PLK4: variants seen among roughly 807,000 people sequenced by gnomAD.
PLK4 encodes the protein serine/threonine-protein kinase PLK4.
Under a neutral mutation model 103.0 loss-of-function variants are expected in PLK4, and 51 were observed. That is an observed-to-expected ratio of 0.50 (90% CI 0.40 to 0.63). PLK4 has a LOEUF of 0.63. Ranked by LOEUF, PLK4 falls within the 20% of genes least tolerant of loss-of-function variation. The probability of loss-of-function intolerance (pLI) is 0.00; values close to 1 mark genes in which losing one functional copy is unlikely to be tolerated. For synonymous variants in PLK4, 389 were observed against 376.8 expected (o/e 1.03, Z -0.38); for missense variants, 1,054 against 1,151.0 (o/e 0.92, Z 1.22).
At chr4:127,883,802 G>T (rs1735020302) in intron 4 of PLK4, among the ~76,000 whole-genome samples, 1 of 152,080 alleles carries the variant, frequency 6.6e-6, no homozygotes, top group Non-Finnish European at 1.5e-5. Flanking sequence ...TTAAATTATT[G>T]GTAGCAGTTT....
Position 127,885,586 on chromosome 4 carries a change from G to A in PLK4, c.338-122G>A, listed in dbSNP as rs1735090924. 6.6e-5 allele frequency: 47 copies of A among 713,108 alleles called. 1 individual carries two copies. Among genetic ancestry groups the A allele is most frequent in the South Asian group, 5.9e-4 (31 of 52,204 alleles). The allele number at this position is 713,108 out of a possible 1,614,324, so 44.2% of individuals were successfully genotyped here. On this transcript the variant is annotated intron_variant, in intron 4 of 15. Coordinates refer to ENST00000270861, the MANE Select transcript of PLK4 (RefSeq NM_014264.5). ...AGTGGCTGGTAAATCTAAGCTCCAA[G>A]CCACTGTTCTACTACAGTGCTCTAG...
chr4:127,887,833 C>T (rs1201246271), intron 6 of PLK4, among the ~76,000 whole-genome samples: 1 of 140,954 alleles, frequency 7.1e-6, no homozygotes, highest in Non-Finnish European at 1.5e-5. Context: ...TATGATCACA[C>T]TGCACTCCAG....
At position 127,898,624 on chromosome 4, in the gene PLK4, TA is replaced by T. The variant is rs1560704057; in HGVS notation, c.*86del. Reference sequence around the variant, plus strand: ...TAAAGTGATTTTTTTTAATTTAACATAAAGTCTTCAGAAAGCCTTTCTATGA... The same window carrying T: ...TAAAGTGATTTTTTTTAATTTAACATAAGTCTTCAGAAAGCCTTTCTATGA... On this transcript the variant is annotated 3_prime_UTR_variant, in exon 16 of 16. Coordinates refer to ENST00000270861, the MANE Select transcript of PLK4 (RefSeq NM_014264.5). 1 of 699,996 alleles carries T rather than the reference TA, an allele frequency of 1.4e-6. No individual in the cohort carries two copies. The highest frequency in any genetic ancestry group is 1.8e-5 in the African/African-American group (1 of 55,236). 43.4% of individuals were successfully genotyped at this position (699,996 alleles called of 1,614,324 possible).
rs1398983759 is a variant in PLK4 at position 127,893,896 on chromosome 4, G to A, written c.2562+15G>A. On this transcript the variant is annotated intron_variant, in intron 13 of 15. Coordinates refer to ENST00000270861, the MANE Select transcript of PLK4 (RefSeq NM_014264.5). Reference sequence around the variant, plus strand: ...TTAATCCCTCTGTAAGTAAATATATGTCACTTCTGTACTTTAAACCTTTCA... The same window carrying A: ...TTAATCCCTCTGTAAGTAAATATATATCACTTCTGTACTTTAAACCTTTCA... The A allele has an allele frequency of 7.7e-7, 1 of 1,290,862 alleles. No individual in the cohort carries two copies. The highest frequency in any genetic ancestry group is 1.2e-5 in the South Asian group (1 of 83,194). 80.0% of individuals were successfully genotyped at this position (1,290,862 alleles called of 1,614,324 possible).
intron 4 of PLK4, among the ~76,000 whole-genome samples, chr4:127,885,478 CAAAAAAAAAAAAA>C (rs397878802): frequency 2.8e-4 from 14 of 49,808 alleles, no homozygotes; most frequent in Admixed American, 5.7e-4. Flanking sequence ...GACTCCGTCT[CAAAAAAAAAAAAA>C]AAAAAAAAGG....
At chr4:127,885,210 T>A (rs1346266394) in intron 4 of PLK4, among the ~76,000 whole-genome samples, 1 of 152,046 alleles carries the variant, frequency 6.6e-6, no homozygotes, top group Non-Finnish European at 1.5e-5. Flanking sequence ...CCAGGCGCGG[T>A]GGCTCAAGCC....
At chr4:127,886,849 T>C in intron 5 of PLK4, 121 bp downstream of exon 5, 1 of 613,534 alleles carries the variant, frequency 1.6e-6, no homozygotes, top group Non-Finnish European at 2.8e-6. Flanking sequence ...AAAACCACTG[T>C]CATGATTTTG....
At chr4:127,890,432 C>T (rs1185138960) in intron 7 of PLK4, among the ~76,000 whole-genome samples, 196 bp downstream of exon 7, 2 of 152,016 alleles carry the variant, frequency 1.3e-5, no homozygotes, top group Non-Finnish European at 1.5e-5. Flanking sequence ...ATTATAGTGA[C>T]ATGATACTGG....
rs776790973 is a variant in PLK4 at position 127,893,835 on chromosome 4, T to C, written c.2516T>C (p.Met839Thr). Residue 839 changes from methionine (M) to threonine (T), a missense_variant, in exon 13 of 16, where the codon ATG becomes ACG. By Grantham distance (81) the Met-to-Thr change is moderately conservative (BLOSUM62 -1). This residue lies in a region of PLK4 where 167 missense variants were observed against 200.7 expected (regional missense o/e 0.83). Transcript: ENST00000270861. The part of the protein sequence containing the change: ...RERASFNRMV[M>T]HSAASPTQAP... ...AGAGCATCTTTCAACAGAATGGTCA[T>C]GCATAGTGCTGCTTCTCCAACACAG... 1 of 1,609,606 alleles carries C rather than the reference T, an allele frequency of 6.2e-7. No homozygotes were observed. Among genetic ancestry groups the C allele is most frequent in the Admixed American group, 1.7e-5 (1 of 59,994 alleles).
At chr4:127,888,495 C>T (rs1222467131) in intron 6 of PLK4, among the ~76,000 whole-genome samples, 1 of 152,068 alleles carries the variant, frequency 6.6e-6, no homozygotes, top group East Asian at 1.9e-4. Context: ...ATAATCAGCA[C>T]CTTCTATCAG....
intron 9 of PLK4, chr4:127,891,913 T>G (rs1376506765): frequency 7.4e-6 from 2 of 269,716 alleles, no homozygotes; most frequent in African/African-American, 4.4e-5. Flanking sequence ...TCTAGAACAT[T>G]AGTCATATGT....
intron 10 of PLK4, chr4:127,892,766 C>A (rs1735411703): frequency 6.5e-6 from 2 of 307,998 alleles, no homozygotes; most frequent in Non-Finnish European, 1.2e-5. Context: ...TTAACTACGT[C>A]TAGGCTGATG....
In PLK4 at chr4:127,897,871, C is replaced by T. The variant is rs541646727; in HGVS notation, c.2811-568C>T. Among the ~76,000 whole-genome samples, 74 of 86,872 alleles carry T rather than the reference C, an allele frequency of 8.5e-4. 1 individual carries two copies. Among genetic ancestry groups the T allele is most frequent in the African/African-American group, 3.8e-3 (71 of 18,464 alleles). 57.0% of individuals were successfully genotyped at this position (86,872 alleles called of 152,430 possible). A position where few individuals can be genotyped will look rare whatever the true frequency, so the allele number is the denominator to read the frequency against. Reference sequence around the variant, plus strand: ...TTTTTTTTTTTTTGAGACAGAGTCTCGCTCTGTTGCCCAGGCTCGAGTTAG... The same window carrying T: ...TTTTTTTTTTTTTGAGACAGAGTCTTGCTCTGTTGCCCAGGCTCGAGTTAG... On this transcript the variant is annotated intron_variant, in intron 15 of 15. Coordinates refer to ENST00000270861, the MANE Select transcript of PLK4 (RefSeq NM_014264.5).
chr4:127,883,510 C>A lies in PLK4; in HGVS notation c.294C>A (p.Asn98Lys), dbSNP rs1228257101. ...VLEMCHNGEM[N>K]RYLKNRVKPF... ...AAATGTGCCATAATGGAGAAATGAA[C>A]AGGTATCTAAAGAATAGAGTGAAAC... Residue 98 changes from asparagine (N) to lysine (K), a missense_variant, in exon 4 of 16, where the codon AAC (asparagine) becomes AAA (lysine). Physicochemically the swap from Asn to Lys is moderately conservative, Grantham distance 94. Transcript: ENST00000270861. The A allele has an allele frequency of 2.6e-6, 4 of 1,548,488 alleles. No individual in the cohort carries two copies. The highest frequency in any genetic ancestry group is 3.6e-6 in the Non-Finnish European group (4 of 1,121,312).
Position 127,886,009 on chromosome 4 carries a change from T to C in PLK4, c.639T>C (p.Thr213=). 6.2e-7 allele frequency: 1 copy of C among 1,614,132 alleles called. No individual in the cohort carries two copies. Among genetic ancestry groups the C allele is most frequent in the South Asian group, 1.1e-5 (1 of 91,080 alleles). Residue 213 remains threonine (T), a synonymous_variant, in exon 5 of 16, where the codon ACT becomes ACC. Coordinates refer to ENST00000270861, the MANE Select transcript of PLK4 (RefSeq NM_014264.5). ...TTATCGGGAGACCACCCTTCGACAC[T>C]GACACAGTCAAGAACACATTAAATA... ...TLLIGRPPFD[T]DTVKNTLNKV...
At chr4:127,896,757 T>C (rs751468691) in intron 14 of PLK4, 44 bp from the exon 15 acceptor site, 1 of 1,150,122 alleles carries the variant, frequency 8.7e-7, no homozygotes, top group East Asian at 2.3e-5. Flanking sequence ...GCTGTTTTTT[T>C]TTTTTTCTGT....
Position 127,886,726 on chromosome 4 carries a change from A to C in PLK4, c.1356A>C (p.Ala452=), listed in dbSNP as rs774545143. The change falls in exon 5 of 16, where the codon GCA becomes GCC. Residue 452 remains alanine (A), a splice_region_variant and synonymous_variant. Coordinates refer to ENST00000270861, the MANE Select transcript of PLK4 (RefSeq NM_014264.5). The part of the protein sequence containing the change: ...GSFERPDNNQ[A]LSNHLCPGKT... Reference sequence around the variant, plus strand: ...TTGAAAGACCTGATAACAATCAAGCACTGTAAGAATAATTCTATCAGAGGC... The same window carrying C: ...TTGAAAGACCTGATAACAATCAAGCCCTGTAAGAATAATTCTATCAGAGGC... 3 of 1,581,956 alleles carry C rather than the reference A, an allele frequency of 1.9e-6. No homozygotes were observed. The highest frequency in any genetic ancestry group is 1.2e-5 in the South Asian group (1 of 86,172).
chr4:127,885,799 A>G lies in PLK4; in HGVS notation c.429A>G (p.Leu143=), dbSNP rs1357980071. ...GGGACCTCACACTTTCTAACCTCCT[A>G]CTGACTCGTAATATGAACATCAAGA... ...LHRDLTLSNL[L]LTRNMNIKIA... The change falls in exon 5 of 16, where the codon CTA becomes CTG. Residue 143 remains leucine, a synonymous_variant. Transcript: ENST00000270861. The G allele has an allele frequency of 3.7e-6, 6 of 1,613,818 alleles. No individual in the cohort carries two copies. Among genetic ancestry groups the G allele is most frequent in the East Asian group, 2.2e-5 (1 of 44,878 alleles).
At chr4:127,896,929 C>G in intron 15 of PLK4, 22 bp downstream of exon 15, 2 of 1,204,404 alleles carry the variant, frequency 1.7e-6, no homozygotes, top group Non-Finnish European at 2.5e-6. Context: ...AAATACTGGT[C>G]GAGATTCAGC....
Sources: gnomAD v4.1 joint callset for allele counts (sites outside exome capture counted in the v4.1 genomes callset) on GRCh38, gnomAD v4.1.1 for gene constraint, gnomAD v4.1.1 regional missense constraint, MANE v1.5 for transcripts, NCBI Gene and HGNC (gene_info 2026-07-23, HGNC 2026-07-21) for gene names.